The following CUX1 variants were observed in gnomAD, a reference collection of about 807,000 sequenced individuals.
CUX1 encodes protein CASP.
Under a neutral mutation model 158.8 loss-of-function variants are expected in CUX1, and 31 were observed. The observed-to-expected ratio is 0.20, with a 90% confidence interval of 0.15 to 0.26. The LOEUF (loss-of-function observed/expected upper bound fraction) is 0.26. Ranked by LOEUF, CUX1 falls within the 10% of genes least tolerant of loss-of-function variation. The probability of loss-of-function intolerance (pLI) is 1.00; values close to 1 mark genes in which losing one functional copy is unlikely to be tolerated. For missense variants in CUX1, 1,589 were observed against 2,014.6 expected, an observed-to-expected ratio of 0.79 and a Z score of 4.04; for synonymous variants, 879 against 862.1, an observed-to-expected ratio of 1.02 and a Z score of -0.34.
intron 19 of CUX1, chr7:102,280,773 G>A: frequency 6.2e-7 from 1 of 1,611,266 alleles, no homozygotes; most frequent in South Asian, 1.1e-5. Context: ...GGTCCTTTGG[G>A]GTCCTTTCCT....
At chr7:101,988,993 CA>C (rs1010587831) in intron 2 of CUX1, among the ~76,000 whole-genome samples, 18 of 150,468 alleles carry the variant, frequency 1.2e-4, no homozygotes, top group South Asian at 2.1e-4. Context: ...GATCCTGTCT[CA>C]AAAAAAAAAT....
chr7:101,973,944 A>G (rs1219944429), intron 2 of CUX1, among the ~76,000 whole-genome samples: 1 of 151,094 alleles, frequency 6.6e-6, no homozygotes, highest in Non-Finnish European at 1.5e-5. Flanking sequence ...AATTTTTTGT[A>G]TTTTTAGTAG....
intron 11 of CUX1, among the ~76,000 whole-genome samples, chr7:102,185,057 C>G (rs1327519714): frequency 6.6e-6 from 1 of 152,220 alleles, no homozygotes; most frequent in Non-Finnish European, 1.5e-5. Context: ...TGTGCTCTTT[C>G]TCTGTGGCTC....
intron 3 of CUX1, among the ~76,000 whole-genome samples, chr7:102,032,520 T>C (rs1820913030): frequency 6.6e-6 from 1 of 151,810 alleles, no homozygotes; most frequent in South Asian, 2.1e-4. Context: ...CATACAAAAA[T>C]TAGGCGGGCA....
At chr7:102,158,720 C>T in intron 9 of CUX1, 112 bp downstream of exon 9, 1 of 996,102 alleles carries the variant, frequency 1.0e-6, no homozygotes, top group East Asian at 2.5e-5. Context: ...CCATTTTTTA[C>T]TGACAGCTTT....
intron 2 of CUX1, among the ~76,000 whole-genome samples, chr7:102,022,155 G>A (rs189466714): frequency 4.6e-5 from 7 of 152,250 alleles, no homozygotes; most frequent in Admixed American, 2.0e-4. Flanking sequence ...ACTCCCGCTC[G>A]TACGTTACAG....
chr7:102,177,380 C>T (rs1446965903), intron 10 of CUX1, among the ~76,000 whole-genome samples: 1 of 150,232 alleles, frequency 6.7e-6, no homozygotes, highest in Non-Finnish European at 1.5e-5. Flanking sequence ...CGCCACTGCA[C>T]TCCAGCCTGG....
intron 20 of CUX1, among the ~76,000 whole-genome samples, chr7:102,207,770 T>G (rs1381468538): frequency 6.6e-6 from 1 of 152,078 alleles, no homozygotes; most frequent in Admixed American, 6.6e-5. Context: ...TTTAAAAAAT[T>G]GTATAGCATA....
Position 102,252,885 on chromosome 7 carries a change from C to G in CUX1, c.*3843C>G, listed in dbSNP as rs908066093. On this transcript the variant is annotated 3_prime_UTR_variant, in exon 24 of 24. Transcript: ENST00000292535. The stretch of plus-strand genomic sequence containing the variant: ...TCTTCTAGACGATCTTAGGAGGCAT[C>G]TTGGCATGAGGCAGCTTCTAAGCGT... 1 of 985,370 alleles carries G rather than the reference C, an allele frequency of 1.0e-6. No homozygotes were observed. Among genetic ancestry groups the G allele is most frequent in the Admixed American group, 6.1e-5 (1 of 16,266 alleles). The allele number at this position is 985,370 out of a possible 1,614,324, so 61.0% of individuals were successfully genotyped here.
intron 1 of CUX1, among the ~76,000 whole-genome samples, chr7:101,821,702 C>T (rs1461714445): frequency 2.8e-5 from 1 of 35,166 alleles, no homozygotes; most frequent in Non-Finnish European, 5.3e-5. Context: ...TTTTTTGAGA[C>T]GTGGTTCTGT....
chr7:101,817,586 C>T (rs1480118483), upstream of CUX1: 15 of 1,524,180 alleles, frequency 9.8e-6, no homozygotes, highest in Non-Finnish European at 1.3e-5. This position sits in a 1 kb window ranked among gnomAD's most constrained non-coding sequence, Gnocchi z 4.1. Flanking sequence ...CCGCCCCGCA[C>T]GTGCCAGCTC....
intron 20 of CUX1, among the ~76,000 whole-genome samples, chr7:102,217,666 A>G (rs1224662547): frequency 6.7e-6 from 1 of 148,582 alleles, no homozygotes; most frequent in Non-Finnish European, 1.5e-5. Context: ...TGGTGTCTAG[A>G]GGGAGGGAGG....
At chr7:101,985,724 C>T (rs758543654) in intron 2 of CUX1, among the ~76,000 whole-genome samples, 8 of 152,194 alleles carry the variant, frequency 5.3e-5, no homozygotes, top group Non-Finnish European at 1.0e-4. Context: ...TTCAGTAAAA[C>T]CATCCCTCTA....
intron 3 of CUX1, among the ~76,000 whole-genome samples, chr7:102,043,470 C>T (rs1822368711): frequency 6.6e-6 from 1 of 151,918 alleles, no homozygotes; most frequent in African/African-American, 2.4e-5. Flanking sequence ...AGAAAACCTA[C>T]TTTTCTTGCT....
upstream of CUX1, chr7:101,816,846 G>A: frequency 2.2e-6 from 2 of 920,954 alleles, no homozygotes; most frequent in South Asian, 5.2e-5. Flanking sequence ...GGCCGGCCCC[G>A]GCCGCCGCCC....
intron 1 of CUX1, among the ~76,000 whole-genome samples, chr7:101,853,091 C>G (rs1456823900): frequency 6.6e-6 from 1 of 152,146 alleles, no homozygotes; most frequent in Admixed American, 6.5e-5. Context: ...ACCCAGGAAC[C>G]CTCCACCCAA....
chr7:101,831,331 T>A (rs972486694), intron 1 of CUX1, among the ~76,000 whole-genome samples: 14 of 151,898 alleles, frequency 9.2e-5, no homozygotes, highest in Non-Finnish European at 8.8e-5. Flanking sequence ...TGCTTTGTCG[T>A]CCAGGCTAAA....
At chr7:102,228,196 C>G (rs964119963) in intron 21 of CUX1, among the ~76,000 whole-genome samples, 9 of 151,810 alleles carry the variant, frequency 5.9e-5, no homozygotes, top group East Asian at 1.9e-4. Context: ...AGCAATCTGC[C>G]CACCTCAGCC....
At chr7:102,274,331 T>A (rs1554547132) in intron 16 of CUX1, 1 of 1,603,628 alleles carries the variant, frequency 6.2e-7, no homozygotes, top group East Asian at 2.2e-5. Context: ...GCCTGACCCA[T>A]GGGAGGAGGG....
Sources: gnomAD v4.1 joint callset for allele counts (sites outside exome capture counted in the v4.1 genomes callset) on GRCh38, gnomAD v4.1.1 for gene constraint, Gnocchi (gnomAD v3.1) non-coding constraint, MANE v1.5 for transcripts, NCBI Gene and HGNC (gene_info 2026-07-23, HGNC 2026-07-21) for gene names.